AARS1: variants seen among roughly 807,000 people sequenced by gnomAD.
AARS1 encodes alanyl-tRNA synthetase 1.
AARS1 carries 72 observed loss-of-function variants against 108.9 expected under a neutral mutation model. That is an observed-to-expected ratio of 0.66 (90% CI 0.55 to 0.80). The LOEUF is 0.80. Ranked by LOEUF, AARS1 falls within the 30% of genes least tolerant of loss-of-function variation. AARS1 has a pLI of 0.00. For synonymous variants in AARS1, 489 were observed against 465.7 expected, an observed-to-expected ratio of 1.05 and a Z score of -0.64; for missense variants, 1,193 against 1,233.2, an observed-to-expected ratio of 0.97 and a Z score of 0.49.
chr16:70,285,227 TAA>T (rs541642359), intron 1 of AARS1, among the ~76,000 whole-genome samples: 44 of 133,742 alleles, frequency 3.3e-4, no homozygotes, highest in Admixed American at 3.8e-4. Context: ...AGACTCCGTC[TAA>T]AAAAAAAAAA....
chr16:70,255,951 G>T, intron 15 of AARS1, 115 bp from the exon 16 acceptor site: 1 of 968,628 alleles, frequency 1.0e-6, no homozygotes, highest in Non-Finnish European at 1.6e-6. Context: ...GAAAGCCTGG[G>T]CTTGAGAGTA....
intron 5 of AARS1, among the ~76,000 whole-genome samples, chr16:70,271,181 C>G (rs578152547): frequency 6.7e-6 from 1 of 148,772 alleles, no homozygotes; most frequent in South Asian, 2.1e-4. Context: ...TCTCCAAAAA[C>G]AAAAACAAAA....
chr16:70,270,729 C>A (rs1960377654), intron 5 of AARS1, among the ~76,000 whole-genome samples: 1 of 149,328 alleles, frequency 6.7e-6, no homozygotes, highest in African/African-American at 2.5e-5. Flanking sequence ...CCCAGCTACT[C>A]GGGAGGCTGA....
intron 9 of AARS1, among the ~76,000 whole-genome samples, chr16:70,266,649 G>A (rs756596762): frequency 6.6e-6 from 1 of 151,710 alleles, no homozygotes; most frequent in Non-Finnish European, 1.5e-5. Context: ...AGTCTCCCGA[G>A]TAGCTGGGAT....
intron 8 of AARS1, 38 bp from the exon 9 acceptor site, chr16:70,267,847 C>G (rs1389960917): frequency 6.2e-7 from 1 of 1,613,872 alleles, no homozygotes; most frequent in Non-Finnish European, 8.5e-7. Context: ...CTGGATGAAG[C>G]CAGAGACTGT....
intron 5 of AARS1, among the ~76,000 whole-genome samples, chr16:70,270,605 G>A (rs1236685201): frequency 3.9e-5 from 6 of 152,050 alleles, no homozygotes; most frequent in Admixed American, 2.0e-4. Flanking sequence ...TTGGGAGGCC[G>A]AGGTGGTGGA....
At chr16:70,253,657 G>A (rs763011864) in intron 19 of AARS1, 57 bp downstream of exon 19, 25 of 1,577,746 alleles carry the variant, frequency 1.6e-5, no homozygotes, top group Non-Finnish European at 2.1e-5. Flanking sequence ...GAGGCCACAT[G>A]TCAGCCACCA....
chr16:70,276,411 G>T, intron 4 of AARS1, 75 bp downstream of exon 4: 1 of 1,524,698 alleles, frequency 6.6e-7, no homozygotes, highest in Non-Finnish European at 9.1e-7. Flanking sequence ...ACATATTCCA[G>T]GTCATAAAAC....
chr16:70,285,581 C>G (rs8046786), intron 1 of AARS1, among the ~76,000 whole-genome samples: 4 of 152,010 alleles, frequency 2.6e-5, no homozygotes, highest in East Asian at 1.9e-4. Context: ...CCTGGGTAAC[C>G]TGGATTACAG....
At chr16:70,255,664 G>A (rs896274029) in intron 16 of AARS1, 64 bp downstream of exon 16, 167 of 1,434,990 alleles carry the variant, frequency 1.2e-4, no homozygotes, top group Non-Finnish European at 6.3e-5. Flanking sequence ...TTGCTCTATG[G>A]ATTCGCAGAC....
chr16:70,279,434 C>T (rs1350227648), intron 2 of AARS1, among the ~76,000 whole-genome samples: 1 of 148,250 alleles, frequency 6.7e-6, no homozygotes, highest in Non-Finnish European at 1.5e-5. Context: ...CCGAGATGTG[C>T]GGATCACCTG....
chr16:70,259,208 A>G lies in AARS1; in HGVS notation c.1786-22T>C, dbSNP rs779182382. The G allele has an allele frequency of 3.4e-5, 54 of 1,608,048 alleles. 1 individual carries two copies. The South Asian group carries it at 5.7e-4, about 17-fold the overall frequency. On this transcript the variant is annotated intron_variant, in intron 13 of 20. Coordinates refer to ENST00000261772, the MANE Select transcript of AARS1 (RefSeq NM_001605.3). The stretch of plus-strand genomic sequence containing the variant: ...GGGGCTGGAAAGGGCAGAGGGGCTC[A>G]TGGAGAGGTCTGTAATAGACTGCTA...
At chr16:70,278,694 T>C (rs1438035154) in intron 2 of AARS1, among the ~76,000 whole-genome samples, 1 of 152,172 alleles carries the variant, frequency 6.6e-6, no homozygotes, top group Non-Finnish European at 1.5e-5. Context: ...CAGAAAATTC[T>C]ACTGGACAGT....
At chr16:70,282,310 C>T (rs1236070692) in intron 2 of AARS1, among the ~76,000 whole-genome samples, 2 of 116,740 alleles carry the variant, frequency 1.7e-5, no homozygotes, top group African/African-American at 7.0e-5. Context: ...GCCTGGATGA[C>T]AGAGCGAGAC....
chr16:70,262,794 C>T (rs1960166042), intron 11 of AARS1, among the ~76,000 whole-genome samples: 1 of 151,686 alleles, frequency 6.6e-6, no homozygotes. Context: ...CGCTGAAACC[C>T]TGTCTCTACC....
chr16:70,257,950 CAA>C (rs1960029235), intron 15 of AARS1, 81 bp downstream of exon 15: 1 of 1,495,420 alleles, frequency 6.7e-7, no homozygotes, highest in Admixed American at 1.7e-5. Flanking sequence ...CTTAGACAGA[CAA>C]GAGTTGGTCC....
intron 1 of AARS1, among the ~76,000 whole-genome samples, chr16:70,288,079 A>C (rs911279003): frequency 3.5e-4 from 48 of 137,302 alleles, no homozygotes; most frequent in South Asian, 1.2e-3. Flanking sequence ...CACTTATTTA[A>C]GACAGCCTTC....
At chr16:70,264,665 C>T (rs1597439101) in intron 11 of AARS1, among the ~76,000 whole-genome samples, 1 of 152,190 alleles carries the variant, frequency 6.6e-6, no homozygotes, top group Admixed American at 6.5e-5. Context: ...TGTCAATTGC[C>T]CAGTTTCCTG....
intron 8 of AARS1, 94 bp downstream of exon 8, chr16:70,268,177 C>A: frequency 8.3e-7 from 1 of 1,205,362 alleles, no homozygotes; most frequent in Non-Finnish European, 1.2e-6. Context: ...CAAAAAACAG[C>A]AACAAAAAGC....
Sources: gnomAD v4.1 joint callset for allele counts (sites outside exome capture counted in the v4.1 genomes callset) on GRCh38, gnomAD v4.1.1 for gene constraint, MANE v1.5 for transcripts, NCBI Gene and HGNC (gene_info 2026-07-23, HGNC 2026-07-21) for gene names.